CEP295: variants seen among roughly 807,000 people sequenced by gnomAD.
CEP295 encodes centrosomal protein of 295 kDa.
In CEP295, 190 loss-of-function variants were observed where a neutral mutation model predicts 291.6. That is an observed-to-expected ratio of 0.65 (90% CI 0.58 to 0.73). CEP295 has a LOEUF of 0.73. Ranked by LOEUF, CEP295 falls within the 30% of genes least tolerant of loss-of-function variation. The probability of loss-of-function intolerance (pLI) is 0.00; values close to 1 mark genes in which losing one functional copy is unlikely to be tolerated. For missense variants in CEP295, 2,863 were observed against 2,949.4 expected, an observed-to-expected ratio of 0.97 and a Z score of 0.68; for synonymous variants, 993 against 1,038.8, an observed-to-expected ratio of 0.96 and a Z score of 0.85.
rs570766584 is a variant in CEP295 at position 93,699,233 on chromosome 11, G to A, written c.4321G>A (p.Gly1441Arg). The A allele has an allele frequency of 6.4e-7, 1 of 1,551,800 alleles. No homozygotes were observed. Among genetic ancestry groups the A allele is most frequent in the South Asian group, 1.2e-5 (1 of 84,058 alleles). The change falls in exon 15 of 30, where the codon GGG becomes AGG. Residue 1441 changes from glycine to arginine, a missense_variant. Coordinates refer to ENST00000325212, the MANE Select transcript of CEP295 (RefSeq NM_033395.2). ...CTCAGAGATACCAACATTGCCTGATGGGCTGTTGGGTTTATCACATCTTGT... is the reference window on the plus strand; with the variant it reads ...CTCAGAGATACCAACATTGCCTGATAGGCTGTTGGGTTTATCACATCTTGT... The part of the protein sequence containing the change: ...GHSEIPTLPD[G>R]LLGLSHLVLP...
intron 22 of CEP295, among the ~76,000 whole-genome samples, chr11:93,725,146 C>T (rs990108217): frequency 6.6e-6 from 1 of 151,558 alleles, no homozygotes; most frequent in African/African-American, 2.4e-5. Flanking sequence ...CCCAGCTACT[C>T]GGGAGGCTGA....
chr11:93,678,876 A>G (rs969221931), intron 6 of CEP295, among the ~76,000 whole-genome samples: 1 of 151,470 alleles, frequency 6.6e-6, no homozygotes, highest in Non-Finnish European at 1.5e-5. Flanking sequence ...TTTATTTTTG[A>G]GATGGAGTCT....
At position 93,711,357 on chromosome 11, in the gene CEP295, C is replaced by T. The variant is rs571542315; in HGVS notation, c.5749+4460C>T. Among the ~76,000 whole-genome samples, 3 of 152,198 alleles carry T rather than the reference C, an allele frequency of 2.0e-5. No individual in the cohort carries two copies. In the South Asian group the frequency reaches 6.2e-4, roughly 32 times the overall value. On this transcript the variant is annotated intron_variant, in intron 18 of 29. Coordinates refer to ENST00000325212, the MANE Select transcript of CEP295 (RefSeq NM_033395.2). ...TTTCTTTATTAGTCTCTTCATTGAC[C>T]CACTGGTCATTCAGGAGCATACTGT...
At chr11:93,722,707 A>G in intron 20 of CEP295, 1 of 213,086 alleles carries the variant, frequency 4.7e-6, no homozygotes, top group Non-Finnish European at 9.5e-6. Flanking sequence ...TACCCAGTAC[A>G]GTATGTCTGT....
At chr11:93,683,485 C>A in intron 7 of CEP295, 74 bp from the exon 8 acceptor site, 1 of 1,107,780 alleles carries the variant, frequency 9.0e-7, no homozygotes, top group Non-Finnish European at 1.3e-6. Flanking sequence ...CTCATTTCCC[C>A]TACCTGCAAC....
At chr11:93,707,321 C>T (rs1343846887) in intron 18 of CEP295, among the ~76,000 whole-genome samples, 1 of 152,088 alleles carries the variant, frequency 6.6e-6, no homozygotes, top group African/African-American at 2.4e-5. Context: ...TTAATCCTAA[C>T]ACCCAAAGAC....
rs1161629608 is a variant in CEP295, at chr11:93,699,810, A to G, written c.4898A>G (p.Asn1633Ser). ...ELSLNKQRKL[N>S]KSESAEHTIP... The stretch of plus-strand genomic sequence containing the variant: ...TCTTTAAACAAACAAAGAAAGTTGA[A>G]CAAAAGTGAATCTGCTGAGCATACT... Residue 1633 changes from asparagine (N) to serine (S), a missense_variant, in exon 15 of 30, where the codon AAC (asparagine) becomes AGC (serine). Physicochemically the swap from Asn to Ser is conservative, Grantham distance 46 (BLOSUM62 1). Coordinates refer to ENST00000325212, the MANE Select transcript of CEP295 (RefSeq NM_033395.2). The G allele has an allele frequency of 6.4e-7, 1 of 1,552,304 alleles. No homozygotes were observed. The highest frequency in any genetic ancestry group is 1.2e-5 in the South Asian group (1 of 84,062).
At chr11:93,710,659 G>A (rs1464305681) in intron 18 of CEP295, among the ~76,000 whole-genome samples, 1 of 152,156 alleles carries the variant, frequency 6.6e-6, no homozygotes, top group East Asian at 1.9e-4. Context: ...TTCCTCTTCT[G>A]TTTTTCAGAA....
At position 93,695,623 on chromosome 11, in the gene CEP295, C is replaced by A; in HGVS notation, c.1660C>A (p.Gln554Lys). ...GGAAGAAGAAAAAAGAAAAAAAACT[C>A]AACCGACTGGGGTAGGATGCAGAAA... ...QLEEEKRKKT[Q>K]PTGVGIAPAS... The change falls in exon 13 of 30, where the codon CAA becomes AAA. Residue 554 changes from glutamine to lysine, a missense_variant. Physicochemically the swap from Gln to Lys is moderately conservative, Grantham distance 53. Around this residue, in one of 3 missense-constraint regions of CEP295, gnomAD observed 2,295 missense variants for 2,335.7 expected, o/e 0.98. Coordinates refer to ENST00000325212, the MANE Select transcript of CEP295 (RefSeq NM_033395.2). 1 of 1,490,358 alleles carries A rather than the reference C, an allele frequency of 6.7e-7. No individual in the cohort carries two copies. Among genetic ancestry groups the A allele is most frequent in the South Asian group, 1.4e-5 (1 of 73,948 alleles). The allele number at this position is 1,490,358 out of a possible 1,614,324, so 92.3% of individuals were successfully genotyped here.
At chr11:93,712,892 GTTT>G (rs1953005650) in intron 18 of CEP295, among the ~76,000 whole-genome samples, 1 of 128,492 alleles carries the variant, frequency 7.8e-6, no homozygotes, top group Non-Finnish European at 1.7e-5. Flanking sequence ...TGTTGTTGTT[GTTT>G]TAGTGAAGGT....
intron 5 of CEP295, 98 bp downstream of exon 5, chr11:93,669,868 A>G (rs891439254): frequency 2.5e-5 from 18 of 731,336 alleles, no homozygotes; most frequent in African/African-American, 1.8e-4. Flanking sequence ...TAATTGTACA[A>G]GTTTTCTTGT....
chr11:93,727,777 C>T, intron 24 of CEP295, 140 bp downstream of exon 24: 1 of 681,356 alleles, frequency 1.5e-6, no homozygotes, highest in Non-Finnish European at 2.4e-6. Context: ...ATCCTCCTGC[C>T]TCAACTTCCG....
rs957886068 is a variant in CEP295 at position 93,701,580 on chromosome 11, GT to G, written c.5275-871del. Among the ~76,000 whole-genome samples the G allele has an allele frequency of 6.6e-5, 10 of 151,548 alleles. No individual in the cohort carries two copies. In the South Asian group the frequency reaches 1.0e-3, roughly 16 times the overall value. ...TATGGAAAGATGAAATGGAGGCTAAGTTTTTTTTTGTTTGTTTTTTGTTTGT... is the reference window on the plus strand; with the variant it reads ...TATGGAAAGATGAAATGGAGGCTAAGTTTTTTTTGTTTGTTTTTTGTTTGT... On this transcript the variant is annotated intron_variant, in intron 15 of 29. Transcript: ENST00000325212.
At chr11:93,662,899 T>A (rs1033957684) in intron 1 of CEP295, among the ~76,000 whole-genome samples, 2 of 152,242 alleles carry the variant, frequency 1.3e-5, no homozygotes, top group African/African-American at 4.8e-5. Flanking sequence ...TACCTCTTGA[T>A]AACAATGCAC....
At chr11:93,682,865 A>C (rs1392902492) in intron 7 of CEP295, among the ~76,000 whole-genome samples, 1 of 152,028 alleles carries the variant, frequency 6.6e-6, no homozygotes, top group East Asian at 1.9e-4. Flanking sequence ...TTTTTTTCTT[A>C]CATGTACTCA....
At chr11:93,679,825 GA>G (rs1305721733) in intron 7 of CEP295, among the ~76,000 whole-genome samples, 4 of 152,048 alleles carry the variant, frequency 2.6e-5, no homozygotes, top group Admixed American at 2.6e-4. Context: ...ACAGCCTGAG[GA>G]AAAAAATCAC....
chr11:93,662,624 A>G (rs1950040017), intron 1 of CEP295, among the ~76,000 whole-genome samples: 1 of 152,248 alleles, frequency 6.6e-6, no homozygotes, highest in Non-Finnish European at 1.5e-5. Context: ...GGCAGCAGGG[A>G]AAACTTCCTT....
At chr11:93,721,130 G>C (rs1481237268) in intron 18 of CEP295, among the ~76,000 whole-genome samples, 182 bp from the exon 19 acceptor site, 2 of 152,194 alleles carry the variant, frequency 1.3e-5, no homozygotes, top group Non-Finnish European at 2.9e-5. Context: ...GCTGACTAGT[G>C]AATGTTTTTA....
Position 93,730,291 on chromosome 11 carries a change from GTTT to G in CEP295, c.*26_*28del. The G allele has an allele frequency of 1.3e-6, 2 of 1,500,632 alleles. No individual in the cohort carries two copies. The highest frequency in any genetic ancestry group is 1.8e-6 in the Non-Finnish European group (2 of 1,102,062). The allele number at this position is 1,500,632 out of a possible 1,614,324, so 93.0% of individuals were successfully genotyped here. ...CTGACTTTCTAGAAATAGTGTAAAG[GTTT>G]TTTAATTGTGTATATGTAGCATTAG... On this transcript the variant is annotated 3_prime_UTR_variant, in exon 30 of 30. Transcript: ENST00000325212.
Sources: gnomAD v4.1 joint callset for allele counts (sites outside exome capture counted in the v4.1 genomes callset) on GRCh38, gnomAD v4.1.1 for gene constraint, gnomAD v4.1.1 regional missense constraint, MANE v1.5 for transcripts, NCBI Gene and HGNC (gene_info 2026-07-23, HGNC 2026-07-21) for gene names.